The following ROBO1 variants were observed in gnomAD, a reference collection of about 807,000 sequenced individuals.
ROBO1 encodes roundabout guidance receptor 1.
A neutral mutation model predicts 195.9 loss-of-function variants in ROBO1; 149 were observed. That is an observed-to-expected ratio of 0.76 (90% CI 0.67 to 0.87). The LOEUF (loss-of-function observed/expected upper bound fraction) is 0.87. ROBO1 is among the 40% of genes least tolerant of loss of function. The pLI, the probability that ROBO1 is intolerant of heterozygous loss-of-function variation, is 0.00. For synonymous variants in ROBO1, 816 were observed against 733.2 expected (o/e 1.11, Z -1.82); for missense variants, 1,933 against 2,068.3 (o/e 0.93, Z 1.27).
intron 1 of ROBO1, among the ~76,000 whole-genome samples, chr3:79,595,724 C>CT (rs371458059): frequency 0.087 from 12,024 of 138,374 alleles, 562 homozygotes; most frequent in East Asian, 0.16. Flanking sequence ...TTTCTTTTTA[C>CT]TTTTTTTTTT....
chr3:79,445,729 T>C (rs367667672), intron 2 of ROBO1, among the ~76,000 whole-genome samples: 8 of 150,624 alleles, frequency 5.3e-5, no homozygotes, highest in African/African-American at 2.0e-4. Flanking sequence ...TGGCGCGATA[T>C]CGGCTCACTG....
rs1236139278 is a variant in ROBO1, at chr3:79,033,361, GAGTTATTTACCAATT to G, written c.172+92080_172+92094del. Among the ~76,000 whole-genome samples, 4 of 152,150 alleles carry G rather than the reference GAGTTATTTACCAATT, an allele frequency of 2.6e-5. No homozygotes were observed. The East Asian group carries it at 7.7e-4, about 29-fold the overall frequency. The stretch of plus-strand genomic sequence containing the variant: ...TTAGCATTTTTACATAAAATTTAAA[GAGTTATTTACCAATT>G]AGAGTGACTTATTTCACATTTTTCA... On this transcript the variant is annotated intron_variant, in intron 3 of 30. Coordinates refer to ENST00000464233, the MANE Select transcript of ROBO1 (RefSeq NM_002941.4).
At chr3:79,439,350 C>A (rs1275504759) in intron 2 of ROBO1, among the ~76,000 whole-genome samples, 1 of 152,016 alleles carries the variant, frequency 6.6e-6, no homozygotes, top group Non-Finnish European at 1.5e-5. Context: ...AGCAAAGCAG[C>A]CTTTTGTGCA....
intron 2 of ROBO1, among the ~76,000 whole-genome samples, chr3:79,369,361 C>T (rs941349461): frequency 3.9e-5 from 6 of 152,194 alleles, no homozygotes; most frequent in Admixed American, 3.9e-4. Flanking sequence ...ATCCCTTTGG[C>T]TAATTTACAC....
chr3:79,467,252 T>G (rs1287464470), intron 2 of ROBO1, among the ~76,000 whole-genome samples: 51 of 152,148 alleles, frequency 3.4e-4, no homozygotes, highest in Admixed American at 3.3e-3. Flanking sequence ...AAACTGTTCT[T>G]GGTTTACTTT....
chr3:78,946,715 G>A (rs533597125), intron 3 of ROBO1, among the ~76,000 whole-genome samples: 1 of 152,160 alleles, frequency 6.6e-6, no homozygotes, highest in Non-Finnish European at 1.5e-5. Context: ...CCAATTAAAA[G>A]ACACAGACTG....
chr3:79,534,180 A>T (rs1038406522), intron 2 of ROBO1, among the ~76,000 whole-genome samples: 6 of 138,278 alleles, frequency 4.3e-5, no homozygotes, highest in Non-Finnish European at 9.4e-5. Flanking sequence ...AAAAAAAATC[A>T]ATTCTTCACC....
intron 4 of ROBO1, among the ~76,000 whole-genome samples, chr3:78,816,533 C>T (rs1295266863): frequency 6.6e-6 from 1 of 152,046 alleles, no homozygotes; most frequent in East Asian, 1.9e-4. Context: ...ATAATGATTC[C>T]TCCAATGGAG....
At chr3:78,702,082 T>C (rs989060686) in intron 8 of ROBO1, among the ~76,000 whole-genome samples, 1 of 152,204 alleles carries the variant, frequency 6.6e-6, no homozygotes, top group Non-Finnish European at 1.5e-5. Context: ...TGCTTTGTAT[T>C]TTTAAATTAC....
intron 4 of ROBO1, among the ~76,000 whole-genome samples, chr3:78,929,481 T>C (rs932391397): frequency 1.5e-5 from 1 of 64,816 alleles, no homozygotes; most frequent in Non-Finnish European, 3.1e-5. Flanking sequence ...TCCAGTATCA[T>C]TTATTTATTT....
chr3:79,125,927 A>C (rs2080207503), intron 2 of ROBO1, among the ~76,000 whole-genome samples: 1 of 152,058 alleles, frequency 6.6e-6, no homozygotes, highest in Non-Finnish European at 1.5e-5. Context: ...ATTGTTAATC[A>C]AAGCTATTGA....
intron 2 of ROBO1, among the ~76,000 whole-genome samples, chr3:79,397,481 G>A (rs1168358662): frequency 1.3e-5 from 2 of 152,116 alleles, no homozygotes; most frequent in Non-Finnish European, 2.9e-5. Context: ...CACACTGGAG[G>A]AACAAAGTTC....
intron 2 of ROBO1, among the ~76,000 whole-genome samples, chr3:79,446,579 T>G (rs573086875): frequency 3.3e-5 from 5 of 152,296 alleles, no homozygotes; most frequent in Non-Finnish European, 5.9e-5. Context: ...AAATTATTTT[T>G]GGGGAACATC....
intron 2 of ROBO1, among the ~76,000 whole-genome samples, chr3:79,335,956 G>T (rs999880057): frequency 6.6e-6 from 1 of 152,148 alleles, no homozygotes; most frequent in Non-Finnish European, 1.5e-5. Context: ...CTGGAAAAAA[G>T]GTGACCCTTG....
At chr3:79,039,331 T>G (rs943522995) in intron 3 of ROBO1, among the ~76,000 whole-genome samples, 1 of 152,178 alleles carries the variant, frequency 6.6e-6, no homozygotes, top group Non-Finnish European at 1.5e-5. Flanking sequence ...CCTTACATTT[T>G]CCCTGAGAAA....
chr3:78,809,045 T>A (rs2084642824), intron 4 of ROBO1, among the ~76,000 whole-genome samples: 1 of 151,870 alleles, frequency 6.6e-6, no homozygotes. Flanking sequence ...GAAACTACCA[T>A]CAGAGTGAAC....
intron 3 of ROBO1, among the ~76,000 whole-genome samples, chr3:79,091,719 A>C (rs565114367): frequency 6.6e-6 from 1 of 152,262 alleles, no homozygotes; most frequent in South Asian, 2.1e-4. Context: ...AAGACCTGGC[A>C]AACTTGAGGG....
At chr3:79,672,811 T>C (rs1946668794) in intron 1 of ROBO1, among the ~76,000 whole-genome samples, 1 of 151,920 alleles carries the variant, frequency 6.6e-6, no homozygotes. Flanking sequence ...CAATATTTTC[T>C]CTATGTCATG....
At chr3:79,479,662 A>G (rs1453905847) in intron 2 of ROBO1, among the ~76,000 whole-genome samples, 2 of 152,240 alleles carry the variant, frequency 1.3e-5, no homozygotes, top group Non-Finnish European at 2.9e-5. Context: ...GGAAATCTAC[A>G]ATATCAAAAA....
Sources: gnomAD v4.1 joint callset for allele counts (sites outside exome capture counted in the v4.1 genomes callset) on GRCh38, gnomAD v4.1.1 for gene constraint, MANE v1.5 for transcripts, NCBI Gene and HGNC (gene_info 2026-07-23, HGNC 2026-07-21) for gene names.